Variants in ATG7 observed in about 807,000 individuals in gnomAD.
The protein encoded by ATG7 is ubiquitin-like modifier-activating enzyme ATG7.
A neutral mutation model predicts 82.4 loss-of-function variants in ATG7; 70 were observed. The observed-to-expected ratio is 0.85, with a 90% CI of 0.70 to 1.04. The LOEUF is 1.04. Ranked by LOEUF, ATG7 falls within the 50% of genes least tolerant of loss-of-function variation. ATG7 has a pLI of 0.00. For missense variants in ATG7, 792 were observed against 864.3 expected (o/e 0.92, Z 1.05); for synonymous variants, 287 against 313.0 (o/e 0.92, Z 0.88).
chr3:11,458,872 T>C (rs1171340895), intron 20 of ATG7, among the ~76,000 whole-genome samples: 1 of 152,170 alleles, frequency 6.6e-6, no homozygotes, highest in African/African-American at 2.4e-5. Context: ...TTAACGCCTG[T>C]GCTCTGCCTC....
At chr3:11,397,414 A>G (rs945373276) in intron 19 of ATG7, among the ~76,000 whole-genome samples, 1 of 139,914 alleles carries the variant, frequency 7.1e-6, no homozygotes, top group Admixed American at 7.6e-5. Flanking sequence ...ATTTAATAAC[A>G]TGTCTATAAA....
intron 3 of ATG7, among the ~76,000 whole-genome samples, chr3:11,293,591 T>C (rs184406801): frequency 1.6e-4 from 24 of 150,868 alleles, no homozygotes; most frequent in Non-Finnish European, 2.2e-4. Flanking sequence ...CTCACATCTG[T>C]AATCCCAGCA....
chr3:11,425,161 A>G (rs2082259365), intron 19 of ATG7, among the ~76,000 whole-genome samples: 1 of 152,104 alleles, frequency 6.6e-6, no homozygotes, highest in South Asian at 2.1e-4. Flanking sequence ...ACAAGGTCTC[A>G]CTATGTTGCC....
intron 19 of ATG7, among the ~76,000 whole-genome samples, chr3:11,422,740 CTTTTTTTT>C (rs557755646): frequency 3.6e-4 from 18 of 49,544 alleles, no homozygotes; most frequent in African/African-American, 1.2e-3. Flanking sequence ...TCATTTCTAG[CTTTTTTTT>C]TTTTTTTTTT....
chr3:11,439,998 C>G (rs1371265082), intron 20 of ATG7, among the ~76,000 whole-genome samples: 1 of 152,186 alleles, frequency 6.6e-6, no homozygotes, highest in Non-Finnish European at 1.5e-5. Context: ...CAGTACACTT[C>G]ATAAGGCTGG....
intron 5 of ATG7, among the ~76,000 whole-genome samples, chr3:11,306,115 A>C (rs566367135): frequency 0.026 from 3,921 of 152,260 alleles, 173 homozygotes; most frequent in African/African-American, 0.087. Context: ...GCTTACTCTG[A>C]GGACTGTGAG....
intron 20 of ATG7, among the ~76,000 whole-genome samples, chr3:11,540,413 T>C (rs1459819691): frequency 5.3e-5 from 8 of 152,210 alleles, no homozygotes; most frequent in Non-Finnish European, 1.2e-4. Flanking sequence ...ATCGGGTTGT[T>C]ATATCTTATT....
chr3:11,491,242 C>T (rs1393540018), intron 20 of ATG7, among the ~76,000 whole-genome samples: 2 of 152,050 alleles, frequency 1.3e-5, no homozygotes, highest in Non-Finnish European at 2.9e-5. Context: ...TCACTGATAC[C>T]CTTTCTTCCA....
intron 19 of ATG7, among the ~76,000 whole-genome samples, chr3:11,422,641 G>A (rs190213750): frequency 3.0e-3 from 444 of 149,956 alleles, no homozygotes; most frequent in Non-Finnish European, 5.0e-3. Flanking sequence ...ACTTTCCCTT[G>A]GCATTAACAA....
chr3:11,413,279 T>C (rs528582090), intron 19 of ATG7, among the ~76,000 whole-genome samples: 1 of 152,182 alleles, frequency 6.6e-6, no homozygotes, highest in Non-Finnish European at 1.5e-5. Flanking sequence ...CTTTCATCAC[T>C]GTGTATATTT....
At position 11,313,299 on chromosome 3, in the gene ATG7, T is replaced by C. The variant is rs750865245; in HGVS notation, c.412-5T>C. 7 of 1,563,330 alleles carry C rather than the reference T, an allele frequency of 4.5e-6. No individual in the cohort carries two copies. Among genetic ancestry groups the C allele is most frequent in the Non-Finnish European group, 6.1e-6 (7 of 1,141,472 alleles). ...CTAATAACTTATTTATACTTTTTTT[T>C]CTAGGATCTAAAGAAGTACCACTTC... On this transcript the variant is annotated splice_region_variant and splice_polypyrimidine_tract_variant and intron_variant, in intron 7 of 20. Transcript: ENST00000693202.
chr3:11,512,380 G>T (rs964489269), intron 20 of ATG7, among the ~76,000 whole-genome samples: 4 of 152,164 alleles, frequency 2.6e-5, no homozygotes, highest in Non-Finnish European at 5.9e-5. Context: ...TTGGCCAAGG[G>T]AACCCAAAAA....
At chr3:11,543,763 G>A (rs907550953) in intron 20 of ATG7, among the ~76,000 whole-genome samples, 2 of 152,214 alleles carry the variant, frequency 1.3e-5, no homozygotes, top group Admixed American at 6.5e-5. Flanking sequence ...TTAGCTAGGC[G>A]TGGTGGCGCA....
chr3:11,516,026 C>G (rs989114640), intron 20 of ATG7, among the ~76,000 whole-genome samples: 2 of 144,882 alleles, frequency 1.4e-5, no homozygotes, highest in African/African-American at 5.3e-5. Context: ...GCTCACATTC[C>G]TTTTTAAAAA....
chr3:11,491,800 C>T (rs374297479), intron 20 of ATG7, among the ~76,000 whole-genome samples: 61 of 152,298 alleles, frequency 4.0e-4, no homozygotes, highest in East Asian at 2.1e-3. Context: ...TTTTGTGAAC[C>T]GTGAATGCTG....
At chr3:11,529,296 C>A (rs1217671448) in intron 20 of ATG7, among the ~76,000 whole-genome samples, 1 of 152,088 alleles carries the variant, frequency 6.6e-6, no homozygotes, top group Non-Finnish European at 1.5e-5. Context: ...TAATTAAGAT[C>A]ATTGATTGGG....
intron 20 of ATG7, among the ~76,000 whole-genome samples, chr3:11,433,361 C>T (rs539703914): frequency 2.8e-5 from 4 of 140,428 alleles, no homozygotes; most frequent in South Asian, 2.3e-4. Flanking sequence ...AACATATGAA[C>T]ACCTTAGCCA....
At chr3:11,511,715 G>A (rs1421862400) in intron 20 of ATG7, among the ~76,000 whole-genome samples, 1 of 152,188 alleles carries the variant, frequency 6.6e-6, no homozygotes, top group Non-Finnish European at 1.5e-5. Flanking sequence ...CAGGCATGGT[G>A]GGCTGCAGGT....
rs563364821 is a variant in ATG7, at chr3:11,399,296, T to C, written c.1956+19244T>C. ...CCCAGAGGCAGAGGTTGCAGTGAGC[T>C]GAGATGGTGCCACTCTACTCCAGCC... is the stretch of plus-strand genomic sequence containing the variant. On this transcript the variant is annotated intron_variant, in intron 19 of 20. Transcript: ENST00000693202. 1.4e-4 allele frequency among the ~76,000 whole-genome samples: 22 copies of C among 152,238 alleles called. No individual in the cohort carries two copies. In the South Asian group the frequency reaches 3.3e-3, roughly 23 times the overall value.
Sources: allele counts gnomAD v4.1 joint callset (sites outside exome capture counted in the v4.1 genomes callset), GRCh38; gene constraint gnomAD v4.1.1; transcripts MANE v1.5; gene names NCBI Gene and HGNC (gene_info 2026-07-23, HGNC 2026-07-21).